Variants in DSCAM observed in about 807,000 individuals in gnomAD.
DSCAM encodes DS cell adhesion molecule, also known as cell adhesion molecule DSCAM.
Under a neutral mutation model 217.7 loss-of-function variants are expected in DSCAM, and 47 were observed. The ratio of observed to expected loss-of-function variants is 0.22; its 90% CI spans 0.17 to 0.28. The LOEUF is 0.28. DSCAM is among the 10% of genes least tolerant of loss of function. The pLI is 1.00. For missense variants in DSCAM, 2,080 were observed against 2,618.3 expected (o/e 0.79, Z 4.49); for synonymous variants, 1,056 against 1,015.3 (o/e 1.04, Z -0.76).
Position 40,670,642 on chromosome 21 carries a change from T to C in DSCAM, c.508+22168A>G, listed in dbSNP as rs150681195. On this transcript the variant is annotated intron_variant, in intron 3 of 32. Coordinates refer to ENST00000400454, the MANE Select transcript of DSCAM (RefSeq NM_001389.5). ...TTCACTTAGCGTAATACCCTCAAGA[T>C]TGTTGTGGCATATGTCAGAGTTCTC... is the stretch of plus-strand genomic sequence containing the variant. Among the ~76,000 whole-genome samples, 174 of 152,324 alleles carry C rather than the reference T, an allele frequency of 1.1e-3. 1 individual carries two copies. The highest frequency in any genetic ancestry group is 4.1e-3 in the African/African-American group (169 of 41,578).
chr21:40,498,094 G>A (rs894329247), intron 3 of DSCAM, among the ~76,000 whole-genome samples: 2 of 152,126 alleles, frequency 1.3e-5, no homozygotes, highest in African/African-American at 2.4e-5. Context: ...CTGTGTCTCG[G>A]TTTTCCTCAT....
chr21:40,681,419 A>G (rs6517606), intron 3 of DSCAM, among the ~76,000 whole-genome samples: 135,093 of 152,048 alleles, frequency 0.89, 60,147 homozygotes, highest in East Asian at 1. Context: ...GACCCACAGG[A>G]CCTGGCACAC....
At chr21:40,209,750 C>T (rs754959751) in intron 11 of DSCAM, among the ~76,000 whole-genome samples, 1 of 152,140 alleles carries the variant, frequency 6.6e-6, no homozygotes, top group African/African-American at 2.4e-5. Context: ...CCCCTCTAGG[C>T]CCGTGACCAT....
chr21:40,369,299 C>G (rs1008580301), intron 3 of DSCAM, 54 bp from the exon 4 acceptor site: 2 of 1,550,106 alleles, frequency 1.3e-6, no homozygotes, highest in African/African-American at 2.8e-5. Flanking sequence ...GCAACCCAAC[C>G]ACACAGACAA....
At chr21:40,247,756 C>T (rs994668258) in intron 11 of DSCAM, among the ~76,000 whole-genome samples, 1 of 152,212 alleles carries the variant, frequency 6.6e-6, no homozygotes, top group Non-Finnish European at 1.5e-5. Context: ...GACAGTAGCC[C>T]TCTTCTCACA....
chr21:40,452,829 T>C (rs1198254885), intron 3 of DSCAM, among the ~76,000 whole-genome samples: 2 of 152,202 alleles, frequency 1.3e-5, no homozygotes, highest in Non-Finnish European at 2.9e-5. Context: ...CCAAGTGTTA[T>C]ATTCTATACA....
intron 9 of DSCAM, among the ~76,000 whole-genome samples, chr21:40,311,583 TAAATAG>T (rs2074137902): frequency 1.3e-5 from 2 of 152,180 alleles, no homozygotes; most frequent in African/African-American, 2.4e-5. Context: ...GATTTAATGC[TAAATAG>T]AATAGATGGG....
At chr21:40,378,277 C>A (rs16999716) in intron 3 of DSCAM, among the ~76,000 whole-genome samples, 3 of 152,100 alleles carry the variant, frequency 2.0e-5, no homozygotes, top group Non-Finnish European at 4.4e-5. Flanking sequence ...ATGAGAGATT[C>A]TTTTCATACA....
intron 11 of DSCAM, among the ~76,000 whole-genome samples, chr21:40,231,003 G>A (rs574318491): frequency 4.2e-4 from 62 of 147,318 alleles, no homozygotes; most frequent in African/African-American, 1.4e-3. Flanking sequence ...CTTGACTCTC[G>A]ATTATGCTTT....
At chr21:40,738,425 CAAAT>C (rs925158344) in intron 1 of DSCAM, among the ~76,000 whole-genome samples, 20 of 152,124 alleles carry the variant, frequency 1.3e-4, no homozygotes, top group African/African-American at 3.6e-4. Flanking sequence ...ACTGTTGTAA[CAAAT>C]AAACCCCAGA....
intron 1 of DSCAM, among the ~76,000 whole-genome samples, chr21:40,812,302 T>C (rs746473855): frequency 6.6e-6 from 1 of 152,146 alleles, no homozygotes; most frequent in African/African-American, 2.4e-5. Flanking sequence ...ATGCAGCAGG[T>C]ACTCAGGTCA....
Position 40,261,650 on chromosome 21 carries a change from TCTACACAC to T in DSCAM, c.2356+14439_2356+14446del, listed in dbSNP as rs1375394591. ...ATAATAAACTTATTCTCTCTCTCTC[TCTACACAC>T]ACACACACACACACACACACACACA... On this transcript the variant is annotated intron_variant, in intron 11 of 32. Transcript: ENST00000400454. Among the ~76,000 whole-genome samples, 47 of 112,740 alleles carry T rather than the reference TCTACACAC, an allele frequency of 4.2e-4. No homozygotes were observed. In the South Asian group the frequency reaches 8.4e-3, roughly 20 times the overall value. The allele number at this position is 112,740 out of a possible 152,430, so 74.0% of individuals were successfully genotyped here.
At chr21:40,474,785 G>A (rs2075919687) in intron 3 of DSCAM, among the ~76,000 whole-genome samples, 2 of 152,176 alleles carry the variant, frequency 1.3e-5, no homozygotes, top group African/African-American at 4.8e-5. Context: ...CGTTCTGCCT[G>A]GGAAGGGCAG....
intron 25 of DSCAM, among the ~76,000 whole-genome samples, chr21:40,079,304 C>G (rs2089418602): frequency 6.6e-6 from 1 of 152,100 alleles, no homozygotes; most frequent in Non-Finnish European, 1.5e-5. Context: ...GGCACTTTTT[C>G]CATCCTCATG....
Position 40,218,331 on chromosome 21 carries a change from T to C in DSCAM, c.2357-29093A>G, listed in dbSNP as rs181726281. On this transcript the variant is annotated intron_variant, in intron 11 of 32. Coordinates refer to ENST00000400454, the MANE Select transcript of DSCAM (RefSeq NM_001389.5). The stretch of plus-strand genomic sequence containing the variant: ...TGTGTGACCTTATTTCTGGGCTCTC[T>C]ATTGTGTTCCATTGGACGATGAGCC... Among the ~76,000 whole-genome samples the C allele has an allele frequency of 1.8e-3, 275 of 152,296 alleles. 1 individual carries two copies. The highest frequency in any genetic ancestry group is 3.3e-3 in the Non-Finnish European group (224 of 68,022).
intron 1 of DSCAM, among the ~76,000 whole-genome samples, chr21:40,791,498 C>CA (rs1418620496): frequency 2.5e-4 from 38 of 151,046 alleles, no homozygotes; most frequent in Admixed American, 1.2e-3. Context: ...ACTAAAAATA[C>CA]AAAAAAATTA....
chr21:40,019,550 G>A (rs1284496471), intron 32 of DSCAM, among the ~76,000 whole-genome samples: 3 of 152,164 alleles, frequency 2.0e-5, no homozygotes, highest in African/African-American at 7.2e-5. Flanking sequence ...GGGTGTGTCT[G>A]GTACTCCCCA....
intron 8 of DSCAM, among the ~76,000 whole-genome samples, chr21:40,335,124 A>G (rs1297509835): frequency 6.6e-6 from 1 of 151,674 alleles, no homozygotes; most frequent in Non-Finnish European, 1.5e-5. Flanking sequence ...GCTGTCTTGA[A>G]CCCCTTCACA....
chr21:40,039,500 A>G (rs954770670), intron 32 of DSCAM, among the ~76,000 whole-genome samples: 2 of 152,196 alleles, frequency 1.3e-5, no homozygotes, highest in East Asian at 1.9e-4. Context: ...TGAAGCATCT[A>G]CTAATGTGCC....
Sources: gnomAD v4.1 joint callset for allele counts (sites outside exome capture counted in the v4.1 genomes callset) on GRCh38, gnomAD v4.1.1 for gene constraint, MANE v1.5 for transcripts, NCBI Gene and HGNC (gene_info 2026-07-23, HGNC 2026-07-21) for gene names.